Variants in CBR4 observed in about 807,000 individuals in gnomAD.
CBR4 encodes the protein 3-oxoacyl-[acyl-carrier-protein] reductase.
CBR4 carries 22 observed loss-of-function variants against 21.0 expected under a neutral mutation model. The observed-to-expected ratio is 1.05, with a 90% CI of 0.75 to 1.50. The LOEUF is 1.50. Ranked by LOEUF, CBR4 falls within the 40% of genes most tolerant of loss-of-function variation. The probability of loss-of-function intolerance (pLI) is 0.00; values close to 1 mark genes in which losing one functional copy is unlikely to be tolerated. For synonymous variants in CBR4, 100 were observed against 104.4 expected (o/e 0.96, Z 0.26); for missense variants, 302 against 286.3 (o/e 1.05, Z -0.40).
At chr4:168,957,081 T>C (rs1410799943) in intron 2 of CBR4, among the ~76,000 whole-genome samples, 2 of 152,148 alleles carry the variant, frequency 1.3e-5, no homozygotes, top group Non-Finnish European at 2.9e-5. Context: ...GTGCGTCAGC[T>C]AAAGTGATTT....
At position 168,994,031 on chromosome 4, in the gene CBR4, GAC is replaced by G. The variant is rs540803578; in HGVS notation, c.536-3705_536-3704del. Among the ~76,000 whole-genome samples the G allele has an allele frequency of 1.0e-3, 159 of 152,304 alleles. 1 individual carries two copies. The highest frequency in any genetic ancestry group is 3.8e-3 in the African/African-American group (157 of 41,566). On this transcript the variant is annotated intron_variant, in intron 4 of 4. Transcript: ENST00000306193. ...ACACAGCAGCACTAGAGGAATTAAAGACACACACAGAAATATAGTGTGGAGTG... is the reference window on the plus strand; with the variant it reads ...ACACAGCAGCACTAGAGGAATTAAAGACACACAGAAATATAGTGTGGAGTG...
intron 2 of CBR4, among the ~76,000 whole-genome samples, chr4:168,958,008 A>C (rs1231911156): frequency 6.6e-6 from 1 of 152,164 alleles, no homozygotes; most frequent in African/African-American, 2.4e-5. Context: ...GCCCTGCGGA[A>C]CTATGAGTAA....
intron 2 of CBR4, among the ~76,000 whole-genome samples, chr4:168,959,394 T>C (rs1006190961): frequency 6.6e-6 from 1 of 152,168 alleles, no homozygotes; most frequent in Non-Finnish European, 1.5e-5. Context: ...CTGATCTATA[T>C]ATCTATCCTT....
rs587780197 is a variant in CBR4 at position 168,898,598 on chromosome 4, G to A, written n.170-3833C>T. On this transcript the variant is annotated intron_variant and non_coding_transcript_variant, in intron 2 of 3. Coordinates refer to the CBR4 transcript ENST00000509108. ...AGGTGATGAAGTTCAGTATGGAGAT[G>A]TGCCTGTGGAAAATGGAATGGCACC... The A allele has an allele frequency of 2.2e-5, 35 of 1,613,574 alleles. No homozygotes were observed. The highest frequency in any genetic ancestry group is 3.3e-4 in the Middle Eastern group (2 of 6,084).
chr4:168,913,010 C>A (rs1314477968), intron 2 of CBR4, among the ~76,000 whole-genome samples: 3 of 152,086 alleles, frequency 2.0e-5, no homozygotes, highest in Non-Finnish European at 4.4e-5. Context: ...CAAATATGTT[C>A]ATTTCATGAG....
Position 169,010,192 on chromosome 4 carries a change from A to G in CBR4, c.-103T>C. 1.8e-6 allele frequency: 2 copies of G among 1,138,942 alleles called. No individual in the cohort carries two copies. The highest frequency in any genetic ancestry group is 1.6e-5 in the African/African-American group (1 of 63,636). 70.6% of individuals were successfully genotyped at this position (1,138,942 alleles called of 1,614,324 possible). A position where few individuals can be genotyped will look rare whatever the true frequency, so the allele number is the denominator to read the frequency against. On this transcript the variant is annotated 5_prime_UTR_variant, in exon 1 of 5. Coordinates refer to ENST00000306193, the MANE Select transcript of CBR4 (RefSeq NM_032783.5). ...CGCGGTTCCAAAAAAAAAAAAAAGA[A>G]AAAAAAAGGCAAACCGCAAAAAAAA...
Position 169,010,032 on chromosome 4 carries a change from G to T in CBR4, c.58C>A (p.Gln20Lys). ...GSRGIGRAVA[Q>K]LMARKGYRLA... Reference sequence around the variant, plus strand: ...CGGTAGCCTTTCCGGGCCATTAACTGGGCCACAGCTCTGCCAATGCCTCGG... The same window carrying T: ...CGGTAGCCTTTCCGGGCCATTAACTTGGCCACAGCTCTGCCAATGCCTCGG... The change falls in exon 1 of 5, where the codon CAG (glutamine) becomes AAG (lysine). Residue 20 changes from glutamine (Q) to lysine (K), a missense_variant. Transcript: ENST00000306193. The T allele has an allele frequency of 6.2e-7, 1 of 1,613,924 alleles. No homozygotes were observed. Among genetic ancestry groups the T allele is most frequent in the Non-Finnish European group, 8.5e-7 (1 of 1,179,972 alleles).
chr4:168,924,312 C>T, intron 2 of CBR4: 1 of 1,613,876 alleles, frequency 6.2e-7, no homozygotes, highest in African/African-American at 1.3e-5. Context: ...ACAGGAGTTG[C>T]TGATGGGTAC....
At chr4:168,918,978 G>A (rs769408394) in intron 2 of CBR4, among the ~76,000 whole-genome samples, 7 of 151,882 alleles carry the variant, frequency 4.6e-5, no homozygotes, top group Non-Finnish European at 1.0e-4. Context: ...GCTATATGGG[G>A]GTAATGGTAT....
chr4:168,964,730 C>G (rs1375681358), intron 2 of CBR4, among the ~76,000 whole-genome samples: 3 of 152,102 alleles, frequency 2.0e-5, no homozygotes, highest in Admixed American at 6.6e-5. Flanking sequence ...TTTCAATAAG[C>G]AAGAAAAGCT....
At chr4:168,895,765 A>G (rs1160411507) in intron 2 of CBR4, among the ~76,000 whole-genome samples, 1 of 152,246 alleles carries the variant, frequency 6.6e-6, no homozygotes, top group Non-Finnish European at 1.5e-5. Flanking sequence ...GTGTTGTTCA[A>G]AGATCAACTG....
intron 2 of CBR4, among the ~76,000 whole-genome samples, chr4:168,980,419 C>T (rs774433853): frequency 1.3e-5 from 2 of 152,218 alleles, no homozygotes; most frequent in African/African-American, 2.4e-5. Context: ...AATATACCGC[C>T]TATGAAAACA....
In CBR4 at chr4:168,977,601, T is replaced by C. The variant is rs544593946; in HGVS notation, n.169+24470A>G. Reference sequence around the variant, plus strand: ...TGCTCAAAACTTTAGTAACTGTTTCTACACAGATGATATATTTCTTGCCCG... The same window carrying C: ...TGCTCAAAACTTTAGTAACTGTTTCCACACAGATGATATATTTCTTGCCCG... On this transcript the variant is annotated intron_variant and non_coding_transcript_variant, in intron 2 of 3. Coordinates refer to the CBR4 transcript ENST00000509108. 6.6e-5 allele frequency among the ~76,000 whole-genome samples: 10 copies of C among 152,324 alleles called. 1 individual carries two copies. The highest frequency in any genetic ancestry group is 2.4e-4 in the African/African-American group (10 of 41,552).
rs1764834977 is a variant in CBR4 at position 168,990,071 on chromosome 4, C to T, written c.*79G>A. 3 of 1,382,508 alleles carry T rather than the reference C, an allele frequency of 2.2e-6. No homozygotes were observed. The highest frequency in any genetic ancestry group is 1.5e-5 in the African/African-American group (1 of 67,424). The allele number at this position is 1,382,508 out of a possible 1,614,324, so 85.6% of individuals were successfully genotyped here. On this transcript the variant is annotated 3_prime_UTR_variant, in exon 5 of 5. Transcript: ENST00000306193. Reference sequence around the variant, plus strand: ...GCAGGTTTGATTAGCACATGTTACCCATGTAGGTATAATTGTCTAATCAGT... The same window carrying T: ...GCAGGTTTGATTAGCACATGTTACCTATGTAGGTATAATTGTCTAATCAGT...
intron 2 of CBR4, among the ~76,000 whole-genome samples, chr4:168,919,826 CTGG>C (rs1336025231): frequency 3.3e-5 from 5 of 152,174 alleles, no homozygotes; most frequent in African/African-American, 1.2e-4. Flanking sequence ...TTGTGACCTG[CTGG>C]TGGTGACCTT....
At chr4:168,963,828 C>T (rs952184692) in intron 2 of CBR4, among the ~76,000 whole-genome samples, 1 of 152,060 alleles carries the variant, frequency 6.6e-6, no homozygotes, top group Non-Finnish European at 1.5e-5. Flanking sequence ...GAGGGATGCT[C>T]CAAGACCAAA....
chr4:168,967,036 A>C (rs1560968475), intron 2 of CBR4, among the ~76,000 whole-genome samples: 1 of 151,590 alleles, frequency 6.6e-6, no homozygotes, highest in Non-Finnish European at 1.5e-5. Context: ...AAATCACGCT[A>C]CTATAAAGAC....
chr4:168,986,062 A>C (rs1764681468), downstream of CBR4, among the ~76,000 whole-genome samples: 1 of 151,942 alleles, frequency 6.6e-6, no homozygotes. Context: ...ATCTAAAATA[A>C]AGTTGGAAAG....
In CBR4 at chr4:168,990,006, C is replaced by A; in HGVS notation, c.*144G>T. On this transcript the variant is annotated 3_prime_UTR_variant, in exon 5 of 5. Transcript: ENST00000306193. Reference sequence around the variant, plus strand: ...TTTGTCACACATTGTTCTTTTGAGACATATTTTTATAAAGACAGAAATTAA... The same window carrying A: ...TTTGTCACACATTGTTCTTTTGAGAAATATTTTTATAAAGACAGAAATTAA... 7.9e-7 allele frequency: 1 copy of A among 1,263,360 alleles called. No individual in the cohort carries two copies. The highest frequency in any genetic ancestry group is 1.0e-6 in the Non-Finnish European group (1 of 1,000,196). The allele number at this position is 1,263,360 out of a possible 1,614,324, so 78.3% of individuals were successfully genotyped here.
Sources: allele counts gnomAD v4.1 joint callset (sites outside exome capture counted in the v4.1 genomes callset), GRCh38; gene constraint gnomAD v4.1.1; transcripts MANE v1.5; gene names NCBI Gene and HGNC (gene_info 2026-07-23, HGNC 2026-07-21).